Variants in JARID2 observed in about 807,000 individuals in gnomAD.
JARID2 encodes jumonji and AT-rich interaction domain containing 2.
In JARID2, 21 loss-of-function variants were observed where a neutral mutation model predicts 125.6. That is an observed-to-expected ratio of 0.17 (90% CI 0.12 to 0.24). The LOEUF is 0.24. JARID2 is among the 10% of genes least tolerant of loss of function. JARID2 has a pLI of 1.00. For missense variants in JARID2, 1,303 were observed against 1,639.6 expected (o/e 0.79, Z 3.55); for synonymous variants, 736 against 661.6 (o/e 1.11, Z -1.73).
At position 15,433,422 on chromosome 6, in the gene JARID2, G is replaced by C. The variant is rs879817113; in HGVS notation, c.324-18584G>C. 6.1e-3 allele frequency among the ~76,000 whole-genome samples: 632 copies of C among 104,276 alleles called. 4 individuals carry two copies. Among genetic ancestry groups the C allele is most frequent in the Middle Eastern group, 0.048 (7 of 146 alleles). The allele number at this position is 104,276 out of a possible 152,430, so 68.4% of individuals were successfully genotyped here. On this transcript the variant is annotated intron_variant, in intron 3 of 17. Coordinates refer to ENST00000341776, the MANE Select transcript of JARID2 (RefSeq NM_004973.4). ...CCCCCATGTCTCTCTGTGTGTGTGT[G>C]TGTGTGTGTGTGTGTGTGTGTGTGT...
chr6:15,444,493 C>A (rs1767580886), intron 3 of JARID2, among the ~76,000 whole-genome samples: 8 of 152,162 alleles, frequency 5.3e-5, no homozygotes, highest in Admixed American at 5.2e-4. Context: ...CCCCCCACAA[C>A]CTCCAGTGCG....
chr6:15,500,882 G>GTTTTTTTTTTTT lies in JARID2; in HGVS notation c.1946-18_1946-17insTTTTTTTTTTTT. 2.6e-6 allele frequency: 4 copies of GTTTTTTTTTTTT among 1,566,370 alleles called. No homozygotes were observed. The Admixed American group carries it at 5.5e-5, about 22-fold the overall frequency. ...TCGTGTCTCTTTCACTAACTGTCCC[G>GTTTTTTTTTTTT]TTTTTTTCCCCTTCGCTGTCCCAGG... On this transcript the variant is annotated intron_variant, in intron 7 of 17. Transcript: ENST00000341776.
chr6:15,501,061 C>T lies in JARID2; in HGVS notation c.2100C>T (p.Ala700=). Reference sequence around the variant, plus strand: ...ACCGGCTGGCCAAGCTGCAGGAGGCCTACTGCCAGTACCTACTCTCCTACG... The same window carrying T: ...ACCGGCTGGCCAAGCTGCAGGAGGCTTACTGCCAGTACCTACTCTCCTACG... ...AQDRLAKLQE[A]YCQYLLSYDS... Residue 700 remains alanine, a synonymous_variant, in exon 8 of 18, where the codon GCC becomes GCT. Transcript: ENST00000341776. 1 of 1,614,084 alleles carries T rather than the reference C, an allele frequency of 6.2e-7. No individual in the cohort carries two copies. Among genetic ancestry groups the T allele is most frequent in the Non-Finnish European group, 8.5e-7 (1 of 1,179,922 alleles).
intron 1 of JARID2, among the ~76,000 whole-genome samples, chr6:15,277,750 G>A (rs551405959): frequency 6.9e-5 from 10 of 145,406 alleles, no homozygotes; most frequent in African/African-American, 2.3e-4. Flanking sequence ...TCTATTTGTC[G>A]TAACTTACTA....
At chr6:15,433,944 G>A (rs1480641326) in intron 3 of JARID2, among the ~76,000 whole-genome samples, 1 of 150,474 alleles carries the variant, frequency 6.6e-6, no homozygotes, top group African/African-American at 2.5e-5. Flanking sequence ...GTGTGTGTGT[G>A]TGTGTGTGTG....
intron 1 of JARID2, among the ~76,000 whole-genome samples, chr6:15,314,200 C>T (rs1247991216): frequency 3.9e-5 from 6 of 152,160 alleles, no homozygotes; most frequent in Admixed American, 6.6e-5. Context: ...CTCCTGTTTC[C>T]CCCACTCCTG....
At chr6:15,371,789 C>T (rs1764179939) in intron 1 of JARID2, among the ~76,000 whole-genome samples, 2 of 152,204 alleles carry the variant, frequency 1.3e-5, no homozygotes, top group Admixed American at 1.3e-4. Context: ...TTGCTGGCTT[C>T]TCTTAGCCTT....
chr6:15,442,381 C>G (rs1352659828), intron 3 of JARID2, among the ~76,000 whole-genome samples: 17 of 152,286 alleles, frequency 1.1e-4, no homozygotes, highest in Non-Finnish European at 2.4e-4. Flanking sequence ...TTGTTCACTC[C>G]TTGTAACTAC....
intron 3 of JARID2, among the ~76,000 whole-genome samples, chr6:15,417,767 A>G (rs960280438): frequency 1.3e-5 from 2 of 152,216 alleles, no homozygotes; most frequent in Non-Finnish European, 2.9e-5. Context: ...AAGCGAATAA[A>G]TAAATAAAAA....
chr6:15,374,330 C>A lies in JARID2; in HGVS notation c.181+78C>A, dbSNP rs1164939158. The A allele has an allele frequency of 2.0e-6, 3 of 1,498,218 alleles. No individual in the cohort carries two copies. The African/African-American group carries it at 4.1e-5, about 21-fold the overall frequency. 92.8% of individuals were successfully genotyped at this position (1,498,218 alleles called of 1,614,324 possible). On this transcript the variant is annotated intron_variant, in intron 2 of 17. Coordinates refer to ENST00000341776, the MANE Select transcript of JARID2 (RefSeq NM_004973.4). ...GACTTGTTCCTGAATTGGATGTATTCTGGCAGCTTGTGCTTCCTGGTCTAG... is the reference window on the plus strand; with the variant it reads ...GACTTGTTCCTGAATTGGATGTATTATGGCAGCTTGTGCTTCCTGGTCTAG...
In JARID2 at chr6:15,365,223, G is replaced by T. The variant is rs188787891; in HGVS notation, c.46-8894G>T. ...AATTTATTTGTAATTTGATTTCCTC[G>T]CCACCACTCCATCAGTGAAGGTACA... On this transcript the variant is annotated intron_variant, in intron 1 of 17. Transcript: ENST00000341776. Among the ~76,000 whole-genome samples, 11 of 152,158 alleles carry T rather than the reference G, an allele frequency of 7.2e-5. No homozygotes were observed. In the East Asian group the frequency reaches 2.1e-3, roughly 29 times the overall value.
At chr6:15,295,622 T>C (rs990672710) in intron 1 of JARID2, among the ~76,000 whole-genome samples, 1 of 152,170 alleles carries the variant, frequency 6.6e-6, no homozygotes, top group African/African-American at 2.4e-5. Context: ...CAGAAATACA[T>C]GTTTCAATAC....
chr6:15,410,409 C>T, intron 3 of JARID2, 44 bp downstream of exon 3: 1 of 1,591,408 alleles, frequency 6.3e-7, no homozygotes, highest in Non-Finnish European at 8.6e-7. Context: ...CAACCAGGGA[C>T]TGCAAACTCA....
At chr6:15,323,040 G>C (rs539274198) in intron 1 of JARID2, among the ~76,000 whole-genome samples, 1 of 152,326 alleles carries the variant, frequency 6.6e-6, no homozygotes, top group East Asian at 1.9e-4. Context: ...CAAATGCTAA[G>C]GTAGCAAACA....
At chr6:15,490,402 T>A (rs1395665250) in intron 6 of JARID2, among the ~76,000 whole-genome samples, 1 of 152,174 alleles carries the variant, frequency 6.6e-6, no homozygotes, top group African/African-American at 2.4e-5. Context: ...GCACCTGTCT[T>A]CCAAGTCTAA....
At chr6:15,264,052 C>T (rs1243995470) in intron 1 of JARID2, among the ~76,000 whole-genome samples, 1 of 152,190 alleles carries the variant, frequency 6.6e-6, no homozygotes, top group Admixed American at 6.6e-5. Flanking sequence ...CTTCACCATG[C>T]CTGGCTAATT....
In JARID2 at chr6:15,374,108, T is replaced by A; in HGVS notation, c.46-9T>A. On this transcript the variant is annotated splice_polypyrimidine_tract_variant and intron_variant, in intron 1 of 17. Coordinates refer to ENST00000341776, the MANE Select transcript of JARID2 (RefSeq NM_004973.4). ...TCAGTAACTCCTCTCTTTTCTTATG[T>A]TTCTTCAGGATGACAGTGATGGGAT... The A allele has an allele frequency of 6.2e-7, 1 of 1,612,050 alleles. No homozygotes were observed. The highest frequency in any genetic ancestry group is 1.1e-5 in the South Asian group (1 of 90,668).
At chr6:15,420,609 A>T (rs1581538196) in intron 3 of JARID2, among the ~76,000 whole-genome samples, 1 of 152,286 alleles carries the variant, frequency 6.6e-6, no homozygotes, top group East Asian at 1.9e-4. Context: ...GCATCTTTGC[A>T]TGTCTGGTAG....
chr6:15,258,995 A>C (rs576975555), intron 1 of JARID2, among the ~76,000 whole-genome samples: 1 of 152,138 alleles, frequency 6.6e-6, no homozygotes. Context: ...CTTCTCACCA[A>C]GGCTTGGTTT....
Sources: allele counts gnomAD v4.1 joint callset (sites outside exome capture counted in the v4.1 genomes callset), GRCh38; gene constraint gnomAD v4.1.1; transcripts MANE v1.5; gene names NCBI Gene and HGNC (gene_info 2026-07-23, HGNC 2026-07-21).